NRXN1: variants seen among roughly 807,000 people sequenced by gnomAD.
NRXN1 encodes neurexin-1.
Under a neutral mutation model 150.9 loss-of-function variants are expected in NRXN1, and 39 were observed. That is an observed-to-expected ratio of 0.26 (90% CI 0.20 to 0.34). The LOEUF (loss-of-function observed/expected upper bound fraction) is 0.34, where lower values mean the gene tolerates loss of function less well. Among genes scored for constraint, NRXN1 ranks in the 10% least tolerant of loss-of-function variants. The probability of loss-of-function intolerance (pLI) is 1.00; values close to 1 mark genes in which losing one functional copy is unlikely to be tolerated. For synonymous variants in NRXN1, 924 were observed against 757.0 expected, an observed-to-expected ratio of 1.22 and a Z score of -3.62; for missense variants, 1,815 against 1,949.9, an observed-to-expected ratio of 0.93 and a Z score of 1.30.
intron 5 of NRXN1, among the ~76,000 whole-genome samples, chr2:50,867,235 C>G (rs1412320472): frequency 6.6e-6 from 1 of 151,834 alleles, no homozygotes; most frequent in Non-Finnish European, 1.5e-5. Context: ...TATGTAGTGA[C>G]AGGGCAAAAA....
intron 5 of NRXN1, among the ~76,000 whole-genome samples, chr2:50,751,302 T>C (rs889862577): frequency 1.3e-5 from 2 of 152,084 alleles, no homozygotes; most frequent in Non-Finnish European, 2.9e-5. Context: ...TGTGAACAGA[T>C]ACACTTCTGC....
chr2:50,397,598 C>T (rs1488295276), intron 17 of NRXN1, among the ~76,000 whole-genome samples: 2 of 151,982 alleles, frequency 1.3e-5, no homozygotes, highest in East Asian at 1.9e-4. Context: ...GACACAAGCT[C>T]CTAATGTTTC....
chr2:50,540,513 G>T (rs531701770), intron 9 of NRXN1, among the ~76,000 whole-genome samples: 1 of 152,288 alleles, frequency 6.6e-6, no homozygotes, highest in East Asian at 1.9e-4. Context: ...CGAATAAACA[G>T]ATGGTCCCTA....
chr2:50,157,306 C>A (rs1462609669), intron 18 of NRXN1, among the ~76,000 whole-genome samples: 1 of 151,954 alleles, frequency 6.6e-6, no homozygotes, highest in African/African-American at 2.4e-5. Context: ...TGCGTCTTAA[C>A]TTTAAGCGTT....
chr2:50,850,258 G>C (rs1047796034), intron 5 of NRXN1, among the ~76,000 whole-genome samples: 1 of 149,128 alleles, frequency 6.7e-6, no homozygotes, highest in Non-Finnish European at 1.5e-5. Flanking sequence ...AAGGTGTTTT[G>C]TTGTTGTTGC....
chr2:50,828,008 T>C (rs1247650780), intron 5 of NRXN1, among the ~76,000 whole-genome samples: 1 of 148,698 alleles, frequency 6.7e-6, no homozygotes, highest in Non-Finnish European at 1.5e-5. Flanking sequence ...TCTACTTCTT[T>C]CCACACAGAC....
intron 5 of NRXN1, among the ~76,000 whole-genome samples, chr2:50,759,808 ACTAT>A (rs1286185116): frequency 6.7e-6 from 1 of 148,862 alleles, no homozygotes; most frequent in Non-Finnish European, 1.5e-5. Flanking sequence ...AATGCTTAGC[ACTAT>A]CAATCTAACT....
At chr2:50,541,871 T>C (rs909044689) in intron 9 of NRXN1, among the ~76,000 whole-genome samples, 5 of 152,138 alleles carry the variant, frequency 3.3e-5, no homozygotes, top group African/African-American at 9.7e-5. Context: ...TTGTAACCCA[T>C]GGTACAAAAA....
intron 5 of NRXN1, among the ~76,000 whole-genome samples, chr2:50,742,228 T>A (rs959104193): frequency 2.6e-5 from 4 of 151,910 alleles, no homozygotes; most frequent in African/African-American, 9.7e-5. Flanking sequence ...CTTTGAGAAT[T>A]GCAATATTTA....
chr2:50,924,312 AG>A (rs1182056600), intron 3 of NRXN1, among the ~76,000 whole-genome samples: 1 of 151,786 alleles, frequency 6.6e-6, no homozygotes, highest in Non-Finnish European at 1.5e-5. Context: ...TATTATAGAT[AG>A]AAATATTAAA....
chr2:49,949,624 C>T (rs903521328), intron 21 of NRXN1, among the ~76,000 whole-genome samples: 3 of 151,616 alleles, frequency 2.0e-5, no homozygotes, highest in African/African-American at 7.3e-5. Flanking sequence ...ACAAATAAAC[C>T]CGATTTATTC....
rs560851165 is a variant in NRXN1 at position 50,469,268 on chromosome 2, C to T, written c.3244+3030G>A. The stretch of plus-strand genomic sequence containing the variant: ...AGACAATAATCTAAGTAGACTTCGA[C>T]GGGTTAAAATCCGTACTCTAGCTGA... On this transcript the variant is annotated intron_variant, in intron 16 of 22. Coordinates refer to ENST00000401669, the MANE Select transcript of NRXN1 (RefSeq NM_001330078.2). 2.2e-4 allele frequency among the ~76,000 whole-genome samples: 34 copies of T among 151,504 alleles called. No individual in the cohort carries two copies. In the South Asian group the frequency reaches 4.2e-3, roughly 19 times the overall value.
intron 19 of NRXN1, among the ~76,000 whole-genome samples, chr2:50,061,962 C>G (rs530138212): frequency 3.3e-5 from 5 of 152,104 alleles, no homozygotes; most frequent in African/African-American, 9.7e-5. Flanking sequence ...TCCCTTCCCC[C>G]CAATCCCTGT....
intron 18 of NRXN1, among the ~76,000 whole-genome samples, chr2:50,124,479 G>A (rs1395412006): frequency 1.3e-5 from 2 of 151,992 alleles, no homozygotes; most frequent in Non-Finnish European, 2.9e-5. Context: ...TTGTTAATAC[G>A]TAGAACCAGA....
chr2:49,988,798 A>T lies in NRXN1; in HGVS notation c.4129-45007T>A, dbSNP rs911366302. Among the ~76,000 whole-genome samples, 3 of 152,320 alleles carry T rather than the reference A, an allele frequency of 2.0e-5. No individual in the cohort carries two copies. In the East Asian group the frequency reaches 5.8e-4, roughly 29 times the overall value. On this transcript the variant is annotated intron_variant, in intron 21 of 22. Coordinates refer to ENST00000401669, the MANE Select transcript of NRXN1 (RefSeq NM_001330078.2). ...GAAATTTAATTATTAACAAATGTGC[A>T]TTGATGCAATTATGTACCATTACAT...
rs757651915 is a variant in NRXN1 at position 51,026,347 on chromosome 2, G to A, written c.772+1155C>T. 3.1e-5 allele frequency: 46 copies of A among 1,479,286 alleles called. No homozygotes were observed. The South Asian group carries it at 3.9e-4, about 13-fold the overall frequency. 91.6% of individuals were successfully genotyped at this position (1,479,286 alleles called of 1,614,324 possible). A position where few individuals can be genotyped will look rare whatever the true frequency, so the allele number is the denominator to read the frequency against. ...ACATCTCCTACTTAGCCACTGATTC[G>A]TCTTTTTCACACCACTCACTCACTT... On this transcript the variant is annotated intron_variant, in intron 2 of 22. Transcript: ENST00000401669.
intron 5 of NRXN1, among the ~76,000 whole-genome samples, chr2:50,821,716 G>C (rs1033562621): frequency 6.6e-6 from 1 of 152,068 alleles, no homozygotes; most frequent in Non-Finnish European, 1.5e-5. Flanking sequence ...TTCATAATAA[G>C]GTAATGTGCA....
At chr2:50,046,941 T>C (rs1035697861) in intron 21 of NRXN1, among the ~76,000 whole-genome samples, 2 of 152,194 alleles carry the variant, frequency 1.3e-5, no homozygotes, top group African/African-American at 4.8e-5. Flanking sequence ...ACTTCACTCA[T>C]GACTCAAACA....
chr2:50,990,134 T>G (rs1253799861), intron 2 of NRXN1, among the ~76,000 whole-genome samples: 1 of 152,056 alleles, frequency 6.6e-6, no homozygotes, highest in Non-Finnish European at 1.5e-5. Flanking sequence ...CTAAAATATT[T>G]TGATCTTTTT....
Sources: allele counts gnomAD v4.1 joint callset (sites outside exome capture counted in the v4.1 genomes callset), GRCh38; gene constraint gnomAD v4.1.1; transcripts MANE v1.5; gene names NCBI Gene and HGNC (gene_info 2026-07-23, HGNC 2026-07-21).